The following OXR1 variants were observed in gnomAD, a reference collection of about 807,000 sequenced individuals.
OXR1 encodes oxidation resistance 1.
In OXR1, 41 loss-of-function variants were observed where a neutral mutation model predicts 104.6. The ratio of observed to expected loss-of-function variants is 0.39; its 90% CI spans 0.31 to 0.51. The LOEUF (loss-of-function observed/expected upper bound fraction) is 0.51, where lower values mean the gene tolerates loss of function less well. Ranked by LOEUF, OXR1 falls within the 20% of genes least tolerant of loss-of-function variation. OXR1 has a pLI of 0.77. For missense variants in OXR1, 955 were observed against 1,031.9 expected (o/e 0.93, Z 1.02); for synonymous variants, 348 against 348.4 (o/e 1.00, Z 0.01).
chr8:106,706,010 C>A (rs772284577), intron 8 of OXR1, among the ~76,000 whole-genome samples: 2 of 152,022 alleles, frequency 1.3e-5, no homozygotes, highest in Admixed American at 6.6e-5. Context: ...TTAAACATTT[C>A]TCTGTGTTTA....
At chr8:106,690,915 C>T (rs967804001) in intron 6 of OXR1, among the ~76,000 whole-genome samples, 1 of 151,808 alleles carries the variant, frequency 6.6e-6, no homozygotes, top group Non-Finnish European at 1.5e-5. Flanking sequence ...TTTGCCCTAC[C>T]TATGTGTTAC....
chr8:106,507,813 C>G (rs1291419815), intron 2 of OXR1, among the ~76,000 whole-genome samples: 1 of 152,196 alleles, frequency 6.6e-6, no homozygotes, highest in Non-Finnish European at 1.5e-5. Flanking sequence ...TCCTGCATCC[C>G]TTCCTTTGTG....
chr8:106,364,443 G>A (rs969160519), intron 2 of OXR1, among the ~76,000 whole-genome samples: 2 of 151,986 alleles, frequency 1.3e-5, no homozygotes, highest in African/African-American at 4.8e-5. Context: ...TTGCATGGAT[G>A]GTGGCGCACA....
At chr8:106,331,920 A>G (rs368585177) in intron 1 of OXR1, among the ~76,000 whole-genome samples, 56 of 145,314 alleles carry the variant, frequency 3.9e-4, no homozygotes, top group African/African-American at 1.5e-3. Context: ...CCTGGGTGAC[A>G]GCGAGACTCT....
chr8:106,671,832 G>T (rs6651199), intron 3 of OXR1, among the ~76,000 whole-genome samples: 4 of 116,038 alleles, frequency 3.4e-5, no homozygotes, highest in South Asian at 3.2e-4. Flanking sequence ...GTGGGGGGAG[G>T]GGGGAGGGAT....
intron 3 of OXR1, among the ~76,000 whole-genome samples, chr8:106,618,819 G>A (rs977111911): frequency 6.6e-5 from 10 of 151,518 alleles, no homozygotes; most frequent in African/African-American, 1.2e-4. Context: ...GTTTTATTAC[G>A]TTACATTCTC....
intron 2 of OXR1, among the ~76,000 whole-genome samples, chr8:106,476,781 C>T (rs917980397): frequency 5.9e-5 from 9 of 151,938 alleles, no homozygotes; most frequent in African/African-American, 9.7e-5. Flanking sequence ...TGTCCTTTCC[C>T]GGCACCTCAG....
chr8:106,727,696 A>T (rs1833485824), intron 11 of OXR1, among the ~76,000 whole-genome samples: 1 of 152,142 alleles, frequency 6.6e-6, no homozygotes, highest in Non-Finnish European at 1.5e-5. Flanking sequence ...TAGTGTTAGG[A>T]TTCCAGGCCA....
chr8:106,376,300 TCTGTC>T (rs1816903624), intron 2 of OXR1, among the ~76,000 whole-genome samples: 1 of 152,248 alleles, frequency 6.6e-6, no homozygotes. Flanking sequence ...AGATTCATGT[TCTGTC>T]CTTTTTTGCC....
At chr8:106,302,630 A>G (rs114217039) in intron 1 of OXR1, among the ~76,000 whole-genome samples, 3,003 of 151,984 alleles carry the variant, frequency 0.02, 103 homozygotes, top group African/African-American at 0.067. Flanking sequence ...TGACCTAGGT[A>G]TAATATAATG....
At chr8:106,431,907 C>T (rs972932351) in intron 2 of OXR1, among the ~76,000 whole-genome samples, 4 of 152,272 alleles carry the variant, frequency 2.6e-5, no homozygotes, top group Non-Finnish European at 4.4e-5. Context: ...TACATGTTCA[C>T]ATCATAGTTT....
intron 11 of OXR1, among the ~76,000 whole-genome samples, chr8:106,732,549 A>C (rs1833983884): frequency 6.6e-6 from 1 of 151,996 alleles, no homozygotes; most frequent in African/African-American, 2.4e-5. Context: ...TATCCAGTTG[A>C]GGGAGTTCTT....
chr8:106,620,301 G>T (rs1333810379), intron 3 of OXR1, among the ~76,000 whole-genome samples: 1 of 151,754 alleles, frequency 6.6e-6, no homozygotes, highest in Non-Finnish European at 1.5e-5. Flanking sequence ...GCTGTATTGT[G>T]ATTTAATTGA....
At chr8:106,434,214 G>A (rs1222739863) in intron 2 of OXR1, among the ~76,000 whole-genome samples, 1 of 152,100 alleles carries the variant, frequency 6.6e-6, no homozygotes, top group African/African-American at 2.4e-5. Context: ...GCATGTTTGT[G>A]TGAGCATGTA....
At position 106,649,898 on chromosome 8, in the gene OXR1, G is replaced by A. The variant is rs572380120; in HGVS notation, c.221-29312G>A. 1.2e-4 allele frequency among the ~76,000 whole-genome samples: 19 copies of A among 152,190 alleles called. No individual in the cohort carries two copies. The East Asian group carries it at 1.9e-3, about 16-fold the overall frequency. ...TTTTTAGTAGAGACAGGGTTTCACT[G>A]TGTTAGCCAGAATGGTCTCGACCTC... On this transcript the variant is annotated intron_variant, in intron 3 of 16. Transcript: ENST00000517566.
At chr8:106,602,937 G>A (rs1451417793) in intron 3 of OXR1, among the ~76,000 whole-genome samples, 1 of 151,950 alleles carries the variant, frequency 6.6e-6, no homozygotes, top group Non-Finnish European at 1.5e-5. Context: ...TTATTCAAAT[G>A]TATTAGATTA....
rs1831158793 is a variant in OXR1 at position 106,706,512 on chromosome 8, G to A, written c.991G>A (p.Glu331Lys). The A allele has an allele frequency of 6.2e-7, 1 of 1,606,364 alleles. No homozygotes were observed. The highest frequency in any genetic ancestry group is 8.5e-7 in the Non-Finnish European group (1 of 1,178,146). ...TGCCAGCACTGCTCCTAGGAGCACT[G>A]AGGAGTCTCTTTCTGAAGATGTGTT... is the stretch of plus-strand genomic sequence containing the variant. ...DSASTAPRST[E>K]ESLSEDVFTE... Residue 331 changes from glutamate to lysine, a missense_variant, in exon 9 of 17, where the codon GAG becomes AAG. Around this residue, in one of 2 missense-constraint regions of OXR1, gnomAD observed 849 missense variants for 852.9 expected, o/e 1.00. Coordinates refer to ENST00000517566, the MANE Select transcript of OXR1 (RefSeq NM_001198533.2).
intron 1 of OXR1, among the ~76,000 whole-genome samples, chr8:106,341,389 A>G (rs1269066353): frequency 1.5e-5 from 2 of 134,026 alleles, no homozygotes; most frequent in Non-Finnish European, 3.1e-5. Flanking sequence ...TAGTCAATCT[A>G]CATATATATA....
chr8:106,650,985 T>C (rs1479914299), intron 3 of OXR1, among the ~76,000 whole-genome samples: 1 of 152,224 alleles, frequency 6.6e-6, no homozygotes, highest in Non-Finnish European at 1.5e-5. Flanking sequence ...TTTTCAACAT[T>C]TTGCTATTGC....
Sources: allele counts gnomAD v4.1 joint callset (sites outside exome capture counted in the v4.1 genomes callset), GRCh38; gene constraint gnomAD v4.1.1; regional missense constraint gnomAD v4.1.1; transcripts MANE v1.5; gene names NCBI Gene and HGNC (gene_info 2026-07-23, HGNC 2026-07-21).